FAM81A: variants seen among roughly 807,000 people sequenced by gnomAD.
FAM81A encodes protein FAM81A.
A neutral mutation model predicts 46.7 loss-of-function variants in FAM81A; 19 were observed. That is an observed-to-expected ratio of 0.41 (90% CI 0.28 to 0.60). The LOEUF is 0.60. Ranked by LOEUF, FAM81A falls within the 20% of genes least tolerant of loss-of-function variation. The probability of loss-of-function intolerance (pLI) is 0.34; values close to 1 mark genes in which losing one functional copy is unlikely to be tolerated. For missense variants in FAM81A, 377 were observed against 453.5 expected (o/e 0.83, Z 1.53); for synonymous variants, 183 against 152.9 (o/e 1.20, Z -1.45).
At chr15:59,428,802 T>C (rs1480992129) in intron 2 of FAM81A, among the ~76,000 whole-genome samples, 3 of 152,030 alleles carry the variant, frequency 2.0e-5, no homozygotes, top group African/African-American at 7.3e-5. Flanking sequence ...AGCTAATTTT[T>C]GTATTTTTAG....
At chr15:59,428,932 A>G (rs1346122997) in intron 2 of FAM81A, among the ~76,000 whole-genome samples, 1 of 151,978 alleles carries the variant, frequency 6.6e-6, no homozygotes, top group African/African-American at 2.4e-5. Flanking sequence ...CACCCTTCCC[A>G]TCTACTCCTT....
At position 59,464,762 on chromosome 15, in the gene FAM81A, A is replaced by C. The variant is rs550080560; in HGVS notation, c.294+4556A>C. On this transcript the variant is annotated intron_variant, in intron 3 of 8. Transcript: ENST00000288228. ...CAGGTATTTTTCTCCCATCCTGTAG[A>C]TTGTCTTTTCACTTTGTGGATTGCT... Among the ~76,000 whole-genome samples, 14 of 152,130 alleles carry C rather than the reference A, an allele frequency of 9.2e-5. No individual in the cohort carries two copies. In the East Asian group the frequency reaches 2.7e-3, roughly 29 times the overall value.
In FAM81A at chr15:59,441,150, C is replaced by G. The variant is rs577189663; in HGVS notation, c.-78+2868C>G. Among the ~76,000 whole-genome samples the G allele has an allele frequency of 7.2e-5, 11 of 152,352 alleles. 1 individual carries two copies. In the East Asian group the frequency reaches 2.1e-3, roughly 29 times the overall value. The stretch of plus-strand genomic sequence containing the variant: ...CAATCCACACTCTTCATTCTCTGGA[C>G]TTGATTCCTTCCTTCTCACCTCTTT... On this transcript the variant is annotated intron_variant, in intron 1 of 8. Coordinates refer to ENST00000288228, the MANE Select transcript of FAM81A (RefSeq NM_152450.3).
intron 6 of FAM81A, among the ~76,000 whole-genome samples, chr15:59,509,526 C>G (rs1293395289): frequency 6.6e-6 from 1 of 152,016 alleles, no homozygotes; most frequent in Non-Finnish European, 1.5e-5. Flanking sequence ...TCACTAGAGT[C>G]CTTATAAGAG....
At chr15:59,472,714 C>A (rs1855058658) in intron 3 of FAM81A, among the ~76,000 whole-genome samples, 1 of 151,924 alleles carries the variant, frequency 6.6e-6, no homozygotes. Flanking sequence ...CCATGCCCAG[C>A]TAATTATTTT....
chr15:59,511,249 T>G (rs1168100715), intron 6 of FAM81A, among the ~76,000 whole-genome samples: 1 of 152,090 alleles, frequency 6.6e-6, no homozygotes, highest in Non-Finnish European at 1.5e-5. Flanking sequence ...AAAACACAAC[T>G]AAAATATAGG....
chr15:59,473,485 T>C (rs1413062321), intron 3 of FAM81A, among the ~76,000 whole-genome samples: 1 of 152,172 alleles, frequency 6.6e-6, no homozygotes, highest in Admixed American at 6.5e-5. Context: ...ACGTGTCCCC[T>C]GCAGATAAGA....
Position 59,401,242 on chromosome 15 carries a change from A to G in FAM81A, c.-160-1034A>G, listed in dbSNP as rs1227643851. Reference sequence around the variant, plus strand: ...CTGTCGAACCAGTAAGACTGCATTTATGCATCCATCATTTTCAGGATTGTT... The same window carrying G: ...CTGTCGAACCAGTAAGACTGCATTTGTGCATCCATCATTTTCAGGATTGTT... On this transcript the variant is annotated intron_variant, in intron 1 of 4. Transcript: ENST00000558348. The G allele has an allele frequency of 3.3e-5, 35 of 1,049,006 alleles. 1 individual carries two copies. In the South Asian group the frequency reaches 4.4e-4, roughly 13 times the overall value. The allele number at this position is 1,049,006 out of a possible 1,614,324, so 65.0% of individuals were successfully genotyped here.
intron 2 of FAM81A, among the ~76,000 whole-genome samples, chr15:59,417,629 T>C (rs11637557): frequency 1 from 151,335 of 152,080 alleles, 75,301 homozygotes; most frequent in Middle Eastern, 1. Context: ...GCAGGAGAAT[T>C]GCATGAACCT....
chr15:59,516,770 C>A lies in FAM81A; in HGVS notation c.912C>A (p.His304Gln). The change falls in exon 8 of 9, where the codon CAC becomes CAA. Residue 304 changes from histidine (H) to glutamine (Q), a missense_variant. Physicochemically the swap from His to Gln is conservative, Grantham distance 24. Transcript: ENST00000288228. ...CAAGGCAAGAAGAGGAGAAGATGCA[C>A]GGGCGAATCACCAAGCTGGAGTTAC... Reference protein sequence around the residue: ...QRTRQEEEKMHGRITKLELQM... With the variant: ...QRTRQEEEKMQGRITKLELQM... The A allele has an allele frequency of 6.2e-7, 1 of 1,612,982 alleles. No individual in the cohort carries two copies. The highest frequency in any genetic ancestry group is 1.1e-5 in the South Asian group (1 of 90,928).
At chr15:59,518,446 CAGCTAGG>C (rs1281215492) in intron 8 of FAM81A, among the ~76,000 whole-genome samples, 1 of 152,084 alleles carries the variant, frequency 6.6e-6, no homozygotes, top group Non-Finnish European at 1.5e-5. Flanking sequence ...ACCTCCTGAG[CAGCTAGG>C]ACTATGGGCA....
At position 59,446,163 on chromosome 15, in the gene FAM81A, G is replaced by T. The variant is rs889279755; in HGVS notation, c.-78+7881G>T. Among the ~76,000 whole-genome samples, 62 of 152,146 alleles carry T rather than the reference G, an allele frequency of 4.1e-4. 1 individual carries two copies. The highest frequency in any genetic ancestry group is 1.2e-4 in the Non-Finnish European group (8 of 68,020). ...TGGAGATTACAGGTTCATGTAGGAT[G>T]TGGTTTCCGCTGCCCTACGGCAGCT... On this transcript the variant is annotated intron_variant, in intron 1 of 8. Transcript: ENST00000288228.
chr15:59,480,736 G>A (rs1183390310), intron 3 of FAM81A, among the ~76,000 whole-genome samples: 1 of 152,018 alleles, frequency 6.6e-6, no homozygotes, highest in African/African-American at 2.4e-5. Flanking sequence ...AAATAATGGA[G>A]AAGCAATGCC....
chr15:59,514,677 C>G (rs942860713), intron 7 of FAM81A, among the ~76,000 whole-genome samples: 1 of 152,132 alleles, frequency 6.6e-6, no homozygotes, highest in African/African-American at 2.4e-5. Context: ...AAGCTAAAAC[C>G]TTAATGATCC....
At chr15:59,420,253 C>A (rs1182039873) in intron 2 of FAM81A, among the ~76,000 whole-genome samples, 7 of 152,216 alleles carry the variant, frequency 4.6e-5, no homozygotes, top group Non-Finnish European at 8.8e-5. Context: ...CCCCATTATA[C>A]CCTGGTAAGT....
intron 1 of FAM81A, among the ~76,000 whole-genome samples, chr15:59,453,146 C>A (rs1207260846): frequency 1.3e-5 from 2 of 152,134 alleles, no homozygotes; most frequent in African/African-American, 2.4e-5. Flanking sequence ...AGGAACCAAC[C>A]CTTACTGGAA....
At chr15:59,470,891 C>A (rs2081678827) in intron 3 of FAM81A, among the ~76,000 whole-genome samples, 1 of 152,070 alleles carries the variant, frequency 6.6e-6, no homozygotes, top group Non-Finnish European at 1.5e-5. Context: ...GGCTCTATTA[C>A]AGCTCACTGC....
intron 4 of FAM81A, among the ~76,000 whole-genome samples, chr15:59,496,377 C>T (rs769283084): frequency 2.6e-5 from 4 of 152,126 alleles, no homozygotes; most frequent in Non-Finnish European, 4.4e-5. Flanking sequence ...GAGGCCGAGG[C>T]GGGCAGATCA....
chr15:59,415,637 C>G (rs2081143555), intron 2 of FAM81A, among the ~76,000 whole-genome samples: 1 of 152,198 alleles, frequency 6.6e-6, no homozygotes, highest in Admixed American at 6.5e-5. Context: ...GAATGCAGCT[C>G]TACATACATT....
Sources: gnomAD v4.1 joint callset for allele counts (sites outside exome capture counted in the v4.1 genomes callset) on GRCh38, gnomAD v4.1.1 for gene constraint, MANE v1.5 for transcripts, NCBI Gene and HGNC (gene_info 2026-07-23, HGNC 2026-07-21) for gene names.